ADAMTS12: variants seen among roughly 807,000 people sequenced by gnomAD.
ADAMTS12 encodes ADAM metallopeptidase with thrombospondin type 1 motif 12.
In ADAMTS12, 118 loss-of-function variants were observed where a neutral mutation model predicts 167.8. The observed-to-expected ratio is 0.70, with a 90% confidence interval of 0.61 to 0.82. ADAMTS12 has a LOEUF of 0.82. Among genes scored for constraint, ADAMTS12 ranks in the 40% least tolerant of loss-of-function variants. The probability of loss-of-function intolerance (pLI) is 0.00; values close to 1 mark genes in which losing one functional copy is unlikely to be tolerated. For synonymous variants in ADAMTS12, 704 were observed against 716.9 expected (o/e 0.98, Z 0.29); for missense variants, 1,916 against 1,998.8 (o/e 0.96, Z 0.79).
chr5:33,725,705 C>G (rs1343760770), intron 3 of ADAMTS12, among the ~76,000 whole-genome samples: 1 of 152,188 alleles, frequency 6.6e-6, no homozygotes, highest in East Asian at 1.9e-4. Context: ...GCGAGGAAGC[C>G]CTCACGTTGT....
At chr5:33,725,864 G>T (rs1743963611) in intron 3 of ADAMTS12, among the ~76,000 whole-genome samples, 1 of 152,108 alleles carries the variant, frequency 6.6e-6, no homozygotes, top group Non-Finnish European at 1.5e-5. Flanking sequence ...ATTAAACCAG[G>T]ACTCAAGTGG....
intron 2 of ADAMTS12, among the ~76,000 whole-genome samples, chr5:33,752,797 A>G (rs1053514007): frequency 6.6e-6 from 1 of 152,212 alleles, no homozygotes; most frequent in Non-Finnish European, 1.5e-5. Context: ...TCTGCAGATG[A>G]GTCTGAAGAC....
At chr5:33,791,299 C>T (rs1026523313) in intron 2 of ADAMTS12, among the ~76,000 whole-genome samples, 3 of 152,162 alleles carry the variant, frequency 2.0e-5, no homozygotes, top group Non-Finnish European at 4.4e-5. Flanking sequence ...CTCAACCTGA[C>T]CCTGATATTA....
At chr5:33,619,900 G>T (rs893670346) in intron 14 of ADAMTS12, among the ~76,000 whole-genome samples, 1 of 152,142 alleles carries the variant, frequency 6.6e-6, no homozygotes, top group Non-Finnish European at 1.5e-5. Context: ...TCACCACGTT[G>T]GCCAGGATGG....
intron 2 of ADAMTS12, among the ~76,000 whole-genome samples, chr5:33,810,416 T>C (rs1219967744): frequency 6.6e-6 from 1 of 152,190 alleles, no homozygotes; most frequent in Non-Finnish European, 1.5e-5. Context: ...AAGTAAATGT[T>C]CCAATTGCAG....
intron 19 of ADAMTS12, among the ~76,000 whole-genome samples, chr5:33,572,989 C>T (rs1329584131): frequency 2.7e-5 from 4 of 150,280 alleles, no homozygotes; most frequent in Non-Finnish European, 4.4e-5. Flanking sequence ...TGAGTGAACT[C>T]CCATTCACAA....
chr5:33,634,215 A>C (rs1236256733), intron 12 of ADAMTS12, among the ~76,000 whole-genome samples: 1 of 152,176 alleles, frequency 6.6e-6, no homozygotes, highest in Non-Finnish European at 1.5e-5. Context: ...AGTGAGTTTC[A>C]TCATTTTAAA....
At chr5:33,691,309 C>T (rs1294348030) in intron 3 of ADAMTS12, among the ~76,000 whole-genome samples, 1 of 152,194 alleles carries the variant, frequency 6.6e-6, no homozygotes, top group Admixed American at 6.5e-5. Flanking sequence ...CCCATTAATA[C>T]CTAGTGTTCT....
At chr5:33,610,620 C>A (rs555008173) in intron 16 of ADAMTS12, among the ~76,000 whole-genome samples, 38 of 152,232 alleles carry the variant, frequency 2.5e-4, no homozygotes, top group Non-Finnish European at 4.9e-4. Context: ...TTTAGGTAGA[C>A]ATATTAAAGA....
intron 2 of ADAMTS12, among the ~76,000 whole-genome samples, chr5:33,753,325 C>T (rs970521879): frequency 6.6e-6 from 1 of 152,174 alleles, no homozygotes; most frequent in Non-Finnish European, 1.5e-5. Flanking sequence ...AGGACAATCT[C>T]TGGAACAGGA....
chr5:33,692,430 A>G (rs1434503962), intron 3 of ADAMTS12, among the ~76,000 whole-genome samples: 1 of 152,244 alleles, frequency 6.6e-6, no homozygotes, highest in African/African-American at 2.4e-5. Context: ...TTTATATGTG[A>G]GAAAAATAAA....
chr5:33,544,773 A>G (rs1007828765), intron 22 of ADAMTS12, among the ~76,000 whole-genome samples: 4 of 152,244 alleles, frequency 2.6e-5, no homozygotes, highest in African/African-American at 4.8e-5. Flanking sequence ...AGGATTCCCT[A>G]TTTAATAAAT....
chr5:33,821,219 TATAATC>T, intron 2 of ADAMTS12, among the ~76,000 whole-genome samples: 1 of 152,194 alleles, frequency 6.6e-6, no homozygotes, highest in East Asian at 1.9e-4. Flanking sequence ...CATTTATATC[TATAATC>T]ATTATAATGT....
At chr5:33,720,401 C>A (rs899677272) in intron 3 of ADAMTS12, among the ~76,000 whole-genome samples, 5 of 151,914 alleles carry the variant, frequency 3.3e-5, no homozygotes, top group African/African-American at 1.2e-4. Context: ...AAGTTCATTT[C>A]AAGTTCAACC....
At chr5:33,528,902 G>A (rs1326062969) in intron 23 of ADAMTS12, among the ~76,000 whole-genome samples, 2 of 152,128 alleles carry the variant, frequency 1.3e-5, no homozygotes, top group Non-Finnish European at 2.9e-5. Context: ...AAAAGTAGCT[G>A]GGCGTGGTGG....
chr5:33,740,690 T>C (rs1744539007), intron 3 of ADAMTS12, among the ~76,000 whole-genome samples: 1 of 152,154 alleles, frequency 6.6e-6, no homozygotes, highest in Admixed American at 6.5e-5. Flanking sequence ...CATAGAGGGA[T>C]AATGAAGAAC....
At chr5:33,759,608 G>A (rs1745280842) in intron 2 of ADAMTS12, among the ~76,000 whole-genome samples, 1 of 152,152 alleles carries the variant, frequency 6.6e-6, no homozygotes, top group Non-Finnish European at 1.5e-5. Flanking sequence ...ACTCTTCCGT[G>A]ACTAAATCAG....
At chr5:33,750,921 G>A (rs1325318663) in intron 3 of ADAMTS12, among the ~76,000 whole-genome samples, 2 of 152,086 alleles carry the variant, frequency 1.3e-5, no homozygotes, top group African/African-American at 4.8e-5. Context: ...ATTTTTTTCA[G>A]TTTTTCTTCA....
Position 33,799,163 on chromosome 5 carries a change from TC to T in ADAMTS12, c.490-47616del, listed in dbSNP as rs1326225923. Among the ~76,000 whole-genome samples the T allele has an allele frequency of 3.3e-5, 5 of 152,298 alleles. No homozygotes were observed. In the East Asian group the frequency reaches 9.7e-4, roughly 29 times the overall value. The stretch of plus-strand genomic sequence containing the variant: ...GAACGACCAGTGTGGGCATGTGTGC[TC>T]CAGAAGCAGCACTAGAACCCTTGGG... On this transcript the variant is annotated intron_variant, in intron 2 of 23. Coordinates refer to ENST00000504830, the MANE Select transcript of ADAMTS12 (RefSeq NM_030955.4).
Sources: gnomAD v4.1 joint callset for allele counts (sites outside exome capture counted in the v4.1 genomes callset) on GRCh38, gnomAD v4.1.1 for gene constraint, MANE v1.5 for transcripts, NCBI Gene and HGNC (gene_info 2026-07-23, HGNC 2026-07-21) for gene names.